The following GUCY1A2 variants were observed in gnomAD, a reference collection of about 807,000 sequenced individuals.
GUCY1A2 encodes guanylate cyclase soluble subunit alpha-2.
Under a neutral mutation model 63.5 loss-of-function variants are expected in GUCY1A2, and 27 were observed. That is an observed-to-expected ratio of 0.43 (90% confidence interval 0.31 to 0.59). The LOEUF is 0.59. Ranked by LOEUF, GUCY1A2 falls within the 20% of genes least tolerant of loss-of-function variation. The pLI is 0.11. For missense variants in GUCY1A2, 768 were observed against 913.3 expected (o/e 0.84, Z 2.05); for synonymous variants, 364 against 343.5 (o/e 1.06, Z -0.66).
At chr11:106,985,032 T>C (rs1861383848) in intron 2 of GUCY1A2, among the ~76,000 whole-genome samples, 1 of 152,156 alleles carries the variant, frequency 6.6e-6, no homozygotes, top group Non-Finnish European at 1.5e-5. Flanking sequence ...GGTACCGAGA[T>C]TATTTTTCCA....
At chr11:106,859,328 G>A (rs1859477496) in intron 4 of GUCY1A2, among the ~76,000 whole-genome samples, 1 of 151,684 alleles carries the variant, frequency 6.6e-6, no homozygotes, top group South Asian at 2.1e-4. Context: ...TACCAACAGG[G>A]GATAATAGAC....
chr11:106,834,037 C>G (rs1327040732), intron 4 of GUCY1A2, among the ~76,000 whole-genome samples: 2 of 152,000 alleles, frequency 1.3e-5, no homozygotes, highest in Admixed American at 1.3e-4. Flanking sequence ...AGCTAATTAA[C>G]ATATCCATAT....
At chr11:106,942,104 A>ATTAGTCTGTCTGT (rs777274533) in intron 3 of GUCY1A2, among the ~76,000 whole-genome samples, 1,956 of 152,346 alleles carry the variant, frequency 0.013, 27 homozygotes, top group South Asian at 0.048. Context: ...GACAATATTC[A>ATTAGTCTGTCTGT]CTGCCATTAG....
In GUCY1A2 at chr11:106,684,416, A is replaced by G. The variant is rs1342689806; in HGVS notation, c.*3133T>C. 2 of 192,076 alleles carry G rather than the reference A, an allele frequency of 1.0e-5. No homozygotes were observed. The highest frequency in any genetic ancestry group is 2.2e-5 in the Non-Finnish European group (2 of 91,880). 11.9% of individuals were successfully genotyped at this position (192,076 alleles called of 1,614,324 possible). The stretch of plus-strand genomic sequence containing the variant: ...CGTTATATAGACAAGAGATCCAACT[A>G]CTATGTTTCTGAAGCATATTATTAT... On this transcript the variant is annotated 3_prime_UTR_variant, in exon 8 of 8. Coordinates refer to ENST00000526355, the MANE Select transcript of GUCY1A2 (RefSeq NM_000855.3).
rs548925673 is a variant in GUCY1A2, at chr11:106,884,007, A to G, written c.1206+55453T>C. On this transcript the variant is annotated intron_variant, in intron 4 of 7. Transcript: ENST00000526355. ...CTGAACAATGAGAACACTTGGACACAGGGTGGGAACATCACACACCAGGGC... is the reference window on the plus strand; with the variant it reads ...CTGAACAATGAGAACACTTGGACACGGGGTGGGAACATCACACACCAGGGC... 1.2e-4 allele frequency among the ~76,000 whole-genome samples: 19 copies of G among 152,228 alleles called. No homozygotes were observed. The East Asian group carries it at 3.5e-3, about 28-fold the overall frequency.
At chr11:106,826,819 A>G in intron 4 of GUCY1A2, 3 of 1,608,888 alleles carry the variant, frequency 1.9e-6, no homozygotes, top group Non-Finnish European at 2.5e-6. Context: ...TGTAGTACAG[A>G]TGTCACCGGC....
At chr11:106,864,479 G>A (rs1482253386) in intron 4 of GUCY1A2, among the ~76,000 whole-genome samples, 1 of 152,016 alleles carries the variant, frequency 6.6e-6, no homozygotes, top group East Asian at 1.9e-4. Flanking sequence ...GTGAGAGAGG[G>A]CATCCTTGTC....
chr11:106,718,077 GT>G (rs1380074248), intron 6 of GUCY1A2, among the ~76,000 whole-genome samples: 1 of 152,120 alleles, frequency 6.6e-6, no homozygotes. Context: ...CAGTCTGATG[GT>G]GTCAGAATGT....
chr11:106,899,347 TAG>T (rs1384608910), intron 4 of GUCY1A2, among the ~76,000 whole-genome samples: 2 of 152,168 alleles, frequency 1.3e-5, no homozygotes, highest in East Asian at 3.8e-4. Flanking sequence ...AATGAAATAA[TAG>T]AGTCTAAAGA....
chr11:106,963,797 A>C (rs191662478), intron 3 of GUCY1A2, among the ~76,000 whole-genome samples: 23 of 152,296 alleles, frequency 1.5e-4, no homozygotes, highest in Non-Finnish European at 2.8e-4. Flanking sequence ...TTTTGTGGTG[A>C]TGTCCGTTTG....
At chr11:106,791,999 GA>G (rs58278970) in intron 5 of GUCY1A2, among the ~76,000 whole-genome samples, 6,276 of 151,672 alleles carry the variant, frequency 0.041, 134 homozygotes, top group East Asian at 0.093. Context: ...AATAAAAAAA[GA>G]AAAAAAACTT....
intron 6 of GUCY1A2, among the ~76,000 whole-genome samples, chr11:106,710,652 G>T (rs1354852680): frequency 6.6e-6 from 1 of 151,572 alleles, no homozygotes; most frequent in East Asian, 1.9e-4. Context: ...TAGTCTGTCT[G>T]GTCCATGCCT....
chr11:107,017,741 C>T lies in GUCY1A2; in HGVS notation c.303+12G>A, dbSNP rs758175608. The stretch of plus-strand genomic sequence containing the variant: ...CCCCCGAAGGCGGTCCCCCCTTCCG[C>T]CCCCCGCTCACCGAGGGCGCCGTCA... On this transcript the variant is annotated intron_variant, in intron 1 of 7. Coordinates refer to ENST00000526355, the MANE Select transcript of GUCY1A2 (RefSeq NM_000855.3). 28 of 1,378,184 alleles carry T rather than the reference C, an allele frequency of 2.0e-5. No homozygotes were observed. In the South Asian group the frequency reaches 3.6e-4, roughly 18 times the overall value. 85.4% of individuals were successfully genotyped at this position (1,378,184 alleles called of 1,614,324 possible).
intron 6 of GUCY1A2, among the ~76,000 whole-genome samples, chr11:106,760,435 A>G (rs1307488995): frequency 6.6e-6 from 1 of 152,222 alleles, no homozygotes; most frequent in Non-Finnish European, 1.5e-5. Flanking sequence ...CCGAACTTCA[A>G]GGAATGATAC....
chr11:106,968,623 A>AG (rs1386204270), intron 3 of GUCY1A2, among the ~76,000 whole-genome samples: 1 of 152,050 alleles, frequency 6.6e-6, no homozygotes, highest in Non-Finnish European at 1.5e-5. Context: ...CCAACACTGG[A>AG]GGTTCTCCCT....
intron 4 of GUCY1A2, among the ~76,000 whole-genome samples, chr11:106,877,801 C>T (rs993493334): frequency 1.3e-5 from 2 of 152,050 alleles, no homozygotes; most frequent in Admixed American, 1.3e-4. Flanking sequence ...TGAAGAGCTT[C>T]TTCACATCAA....
chr11:106,932,617 C>A (rs1243642872), intron 4 of GUCY1A2, among the ~76,000 whole-genome samples: 1 of 152,040 alleles, frequency 6.6e-6, no homozygotes, highest in African/African-American at 2.4e-5. Context: ...CTGGAAAAAA[C>A]TATTCTAAAG....
intron 5 of GUCY1A2, among the ~76,000 whole-genome samples, chr11:106,798,142 G>A (rs185052899): frequency 3.3e-5 from 5 of 152,176 alleles, no homozygotes; most frequent in South Asian, 2.1e-4. Flanking sequence ...ACACCTCTAC[G>A]CAAATAAACT....
chr11:106,752,558 G>C (rs1863900485), intron 6 of GUCY1A2, among the ~76,000 whole-genome samples: 2 of 151,266 alleles, frequency 1.3e-5, no homozygotes, highest in East Asian at 1.9e-4. Context: ...TCCCCTCCCT[G>C]TGCCCATGTG....
Sources: allele counts gnomAD v4.1 joint callset (sites outside exome capture counted in the v4.1 genomes callset), GRCh38; gene constraint gnomAD v4.1.1; transcripts MANE v1.5; gene names NCBI Gene and HGNC (gene_info 2026-07-23, HGNC 2026-07-21).